DMRT1: variants seen among roughly 807,000 people sequenced by gnomAD.
The protein encoded by DMRT1 is doublesex and mab-3 related transcription factor 1, also known as doublesex- and mab-3-related transcription factor 1.
In DMRT1, 7 loss-of-function variants were observed where a neutral mutation model predicts 32.3. The observed-to-expected ratio is 0.22, with a 90% CI of 0.12 to 0.41. DMRT1 has a LOEUF of 0.41. Ranked by LOEUF, DMRT1 falls within the 10% of genes least tolerant of loss-of-function variation. The probability of loss-of-function intolerance (pLI) is 1.00; values close to 1 mark genes in which losing one functional copy is unlikely to be tolerated. For missense variants in DMRT1, 625 were observed against 500.5 expected, an observed-to-expected ratio of 1.25 and a Z score of -2.37; for synonymous variants, 278 against 206.1, an observed-to-expected ratio of 1.35 and a Z score of -2.99.
intron 4 of DMRT1, among the ~76,000 whole-genome samples, chr9:939,465 G>A (rs556468767): frequency 2.2e-4 from 33 of 152,258 alleles, no homozygotes; most frequent in African/African-American, 6.7e-4. Flanking sequence ...TTAATTTACC[G>A]TGGCCAGTCT....
At chr9:880,786 T>A (rs998837106) in intron 2 of DMRT1, among the ~76,000 whole-genome samples, 2 of 151,452 alleles carry the variant, frequency 1.3e-5, no homozygotes, top group Non-Finnish European at 2.9e-5. Context: ...GTTTGCCATG[T>A]GCTAAGGACC....
At chr9:907,445 A>C (rs1817817435) in intron 3 of DMRT1, among the ~76,000 whole-genome samples, 1 of 152,216 alleles carries the variant, frequency 6.6e-6, no homozygotes, top group Admixed American at 6.5e-5. Flanking sequence ...AGTCCCAGCC[A>C]GACACTGGTC....
At chr9:864,789 C>A (rs138772088) in intron 2 of DMRT1, among the ~76,000 whole-genome samples, 1 of 152,142 alleles carries the variant, frequency 6.6e-6, no homozygotes, top group Non-Finnish European at 1.5e-5. Flanking sequence ...CGTGAGCCAC[C>A]GTGCCCGCCA....
At chr9:866,840 T>G (rs578087375) in intron 2 of DMRT1, among the ~76,000 whole-genome samples, 4 of 152,308 alleles carry the variant, frequency 2.6e-5, no homozygotes, top group African/African-American at 9.6e-5. Context: ...TCAATTTTTA[T>G]CTGAGAGATG....
chr9:862,938 T>C (rs977345475), intron 2 of DMRT1, among the ~76,000 whole-genome samples: 5 of 151,822 alleles, frequency 3.3e-5, no homozygotes, highest in African/African-American at 1.2e-4. Context: ...ACTTTGCAAA[T>C]GTGATTGAGT....
intron 4 of DMRT1, among the ~76,000 whole-genome samples, chr9:941,904 CT>C (rs982957871): frequency 6.6e-6 from 1 of 151,940 alleles, no homozygotes; most frequent in African/African-American, 2.4e-5. Context: ...AGGTATTGTC[CT>C]TTTAGTACAT....
At chr9:893,005 C>A (rs1817212426) in intron 2 of DMRT1, among the ~76,000 whole-genome samples, 1 of 152,100 alleles carries the variant, frequency 6.6e-6, no homozygotes, top group African/African-American at 2.4e-5. Context: ...GAATTTCTAA[C>A]TAGGCTACAA....
intron 4 of DMRT1, among the ~76,000 whole-genome samples, chr9:938,800 A>G (rs1586642700): frequency 1.3e-5 from 2 of 152,228 alleles, no homozygotes; most frequent in African/African-American, 2.4e-5. Context: ...ACAAGTGGGC[A>G]TCGTTGTTTG....
At chr9:886,486 C>T (rs868718320) in intron 2 of DMRT1, among the ~76,000 whole-genome samples, 20 of 151,948 alleles carry the variant, frequency 1.3e-4, no homozygotes, top group Non-Finnish European at 2.4e-4. Flanking sequence ...AAACTCCTGA[C>T]CTCAAGTGAT....
intron 4 of DMRT1, among the ~76,000 whole-genome samples, chr9:947,179 A>G (rs1055392117): frequency 3.3e-5 from 5 of 152,258 alleles, no homozygotes; most frequent in African/African-American, 4.8e-5. Flanking sequence ...ACAGGACTAC[A>G]GCCACATGCG....
chr9:960,695 C>A (rs1819743990), intron 4 of DMRT1, among the ~76,000 whole-genome samples: 3 of 152,212 alleles, frequency 2.0e-5, no homozygotes, highest in Admixed American at 2.0e-4. Flanking sequence ...CTTGGCCCAG[C>A]CTGACAGGTA....
At chr9:934,477 G>T (rs1818822630) in intron 4 of DMRT1, among the ~76,000 whole-genome samples, 1 of 152,166 alleles carries the variant, frequency 6.6e-6, no homozygotes, top group Non-Finnish European at 1.5e-5. Flanking sequence ...GCTGCAGTGA[G>T]CTGTAATCAC....
rs527866855 is a variant in DMRT1 at position 925,684 on chromosome 9, A to G, written c.967+8777A>G. Among the ~76,000 whole-genome samples the G allele has an allele frequency of 2.0e-5, 3 of 152,238 alleles. No individual in the cohort carries two copies. The South Asian group carries it at 6.2e-4, about 32-fold the overall frequency. ...CTTTTCTTTTTCTTCCCTTACAAAC[A>G]CACGTGCAGCTCCTCCAGTGTCTGT... is the stretch of plus-strand genomic sequence containing the variant. On this transcript the variant is annotated intron_variant, in intron 4 of 4. Coordinates refer to ENST00000382276, the MANE Select transcript of DMRT1 (RefSeq NM_021951.3).
At chr9:866,395 C>A (rs143395640) in intron 2 of DMRT1, among the ~76,000 whole-genome samples, 126 of 152,104 alleles carry the variant, frequency 8.3e-4, no homozygotes, top group African/African-American at 2.8e-3. Flanking sequence ...ACGTCACCAC[C>A]TTTAAGAAGC....
intron 4 of DMRT1, among the ~76,000 whole-genome samples, chr9:924,834 T>C (rs558108166): frequency 2.6e-5 from 4 of 152,324 alleles, no homozygotes; most frequent in South Asian, 2.1e-4. Flanking sequence ...TAAAGAATGG[T>C]ACAGAAGCAA....
At chr9:957,176 C>G (rs1463543739) in intron 4 of DMRT1, among the ~76,000 whole-genome samples, 3 of 152,162 alleles carry the variant, frequency 2.0e-5, no homozygotes, top group African/African-American at 7.2e-5. Context: ...TGAAGGCAGA[C>G]TAAAATACCT....
chr9:879,011 G>A (rs992866081), intron 2 of DMRT1, among the ~76,000 whole-genome samples: 2 of 152,074 alleles, frequency 1.3e-5, no homozygotes, highest in African/African-American at 4.8e-5. Flanking sequence ...CCTGTTTCAT[G>A]GAAAGAAATA....
chr9:953,292 C>T (rs989538921), intron 4 of DMRT1, among the ~76,000 whole-genome samples: 1 of 151,832 alleles, frequency 6.6e-6, no homozygotes, highest in Non-Finnish European at 1.5e-5. Flanking sequence ...AAAAAAAAGT[C>T]TGTGTATCTT....
At chr9:858,243 C>G (rs1815488794) in intron 2 of DMRT1, among the ~76,000 whole-genome samples, 1 of 152,138 alleles carries the variant, frequency 6.6e-6, no homozygotes, top group Admixed American at 6.5e-5. Flanking sequence ...GACTTTCAGA[C>G]CTGGTTGTAG....
Sources: gnomAD v4.1 joint callset for allele counts (sites outside exome capture counted in the v4.1 genomes callset) on GRCh38, gnomAD v4.1.1 for gene constraint, MANE v1.5 for transcripts, NCBI Gene and HGNC (gene_info 2026-07-23, HGNC 2026-07-21) for gene names.